Variants in VWDE observed in about 807,000 individuals in gnomAD.
VWDE encodes von Willebrand factor D and EGF domain-containing protein.
A neutral mutation model predicts 178.4 loss-of-function variants in VWDE; 207 were observed. The observed-to-expected ratio is 1.16, with a 90% confidence interval of 1.04 to 1.30. The LOEUF is 1.30. Ranked by LOEUF, VWDE falls within the 50% of genes most tolerant of loss-of-function variation. The pLI is 0.00. For missense variants in VWDE, 2,287 were observed against 1,901.3 expected, an observed-to-expected ratio of 1.20 and a Z score of -3.77; for synonymous variants, 738 against 651.4, an observed-to-expected ratio of 1.13 and a Z score of -2.02.
chr7:12,356,324 C>A lies in VWDE; in HGVS notation c.3532G>T (p.Val1178Leu). The A allele has an allele frequency of 6.5e-7, 1 of 1,549,964 alleles. No individual in the cohort carries two copies. ...AETRVTIEVT[V>L]KSCDCLNGGS... Reference sequence around the variant, plus strand: ...CCATTCAAGCAATCACAAGACTTCACAGTCACCTACAAAACAAAAAAAAAG... The same window carrying A: ...CCATTCAAGCAATCACAAGACTTCAAAGTCACCTACAAAACAAAAAAAAAG... Residue 1178 changes from valine to leucine, a missense_variant, in exon 18 of 29, where the codon GTG (valine) becomes TTG (leucine). By Grantham distance (32) the Val-to-Leu change is conservative (BLOSUM62 1). Coordinates refer to ENST00000275358, the MANE Select transcript of VWDE (RefSeq NM_001135924.3).
chr7:12,379,780 T>C (rs2128558231), intron 5 of VWDE, among the ~76,000 whole-genome samples: 1 of 152,226 alleles, frequency 6.6e-6, no homozygotes, highest in South Asian at 2.1e-4. Context: ...TATAGTAGGC[T>C]TTGTATTTAG....
Position 12,337,098 on chromosome 7 carries a change from A to G in VWDE, c.4463-15T>C. On this transcript the variant is annotated splice_polypyrimidine_tract_variant and intron_variant, in intron 25 of 28. Coordinates refer to ENST00000275358, the MANE Select transcript of VWDE (RefSeq NM_001135924.3). ...ATCACAGATGCCTTAAGGTAAAAGC[A>G]TGAAAAGTCAGCCCTTAAATTCAAC... The G allele has an allele frequency of 1.3e-6, 2 of 1,551,594 alleles. No homozygotes were observed. The highest frequency in any genetic ancestry group is 1.4e-5 in the African/African-American group (1 of 73,186).
At chr7:12,343,027 T>C in intron 22 of VWDE, 56 bp downstream of exon 22, 1 of 1,302,232 alleles carries the variant, frequency 7.7e-7, no homozygotes, top group East Asian at 2.6e-5. Flanking sequence ...ATTAAGGCCA[T>C]CAACTATTCA....
chr7:12,334,193 T>G (rs1284795464), intron 27 of VWDE, among the ~76,000 whole-genome samples: 1 of 152,184 alleles, frequency 6.6e-6, no homozygotes, highest in Non-Finnish European at 1.5e-5. Flanking sequence ...TAATAACTTG[T>G]AAATAACTAA....
chr7:12,373,421 C>T lies in VWDE; in HGVS notation c.1317-174G>A, dbSNP rs527306103. Among the ~76,000 whole-genome samples the T allele has an allele frequency of 7.8e-4, 118 of 152,226 alleles. 1 individual carries two copies. Among genetic ancestry groups the T allele is most frequent in the African/African-American group, 2.5e-3 (105 of 41,534 alleles). Reference sequence around the variant, plus strand: ...ACTACTCCTTTCTTCCCTTTCACCACTCCAGTCAAGCTGCTCTCCTTGAGC... The same window carrying T: ...ACTACTCCTTTCTTCCCTTTCACCATTCCAGTCAAGCTGCTCTCCTTGAGC... On this transcript the variant is annotated intron_variant, in intron 9 of 28. Transcript: ENST00000275358.
chr7:12,366,450 A>C (rs1402385047), intron 13 of VWDE, among the ~76,000 whole-genome samples: 1 of 152,122 alleles, frequency 6.6e-6, no homozygotes, highest in African/African-American at 2.4e-5. Flanking sequence ...TTCTGCCATG[A>C]CTATTACAAT....
chr7:12,346,465 A>C (rs1471322146), intron 19 of VWDE, among the ~76,000 whole-genome samples: 1 of 152,164 alleles, frequency 6.6e-6, no homozygotes, highest in African/African-American at 2.4e-5. Context: ...TGTATAAGCA[A>C]AAATTGGGAA....
At position 12,369,448 on chromosome 7, in the gene VWDE, T is replaced by A. The variant is rs1298165478; in HGVS notation, c.2761+97A>T. 5 of 1,377,218 alleles carry A rather than the reference T, an allele frequency of 3.6e-6. No individual in the cohort carries two copies. In the African/African-American group the frequency reaches 4.4e-5, roughly 12 times the overall value. The allele number at this position is 1,377,218 out of a possible 1,614,324, so 85.3% of individuals were successfully genotyped here. A position where few individuals can be genotyped will look rare whatever the true frequency, so the allele number is the denominator to read the frequency against. On this transcript the variant is annotated intron_variant, in intron 12 of 28. Coordinates refer to ENST00000275358, the MANE Select transcript of VWDE (RefSeq NM_001135924.3). Reference sequence around the variant, plus strand: ...GGAGGTTTTCTCTATAAAATCTGAATAAACACTGTTAGGATACTGAGGGTG... The same window carrying A: ...GGAGGTTTTCTCTATAAAATCTGAAAAAACACTGTTAGGATACTGAGGGTG...
intron 28 of VWDE, among the ~76,000 whole-genome samples, chr7:12,332,129 A>G (rs1780757312): frequency 6.6e-6 from 1 of 152,052 alleles, no homozygotes; most frequent in Non-Finnish European, 1.5e-5. Flanking sequence ...TTTCCCCACT[A>G]AAGAGAAATT....
chr7:12,403,463 A>G (rs562530482), intron 1 of VWDE, among the ~76,000 whole-genome samples, 196 bp downstream of exon 1: 6 of 152,374 alleles, frequency 3.9e-5, no homozygotes, highest in East Asian at 3.9e-4. Context: ...AGAAAAGTGT[A>G]GAGTTTTCAA....
chr7:12,354,244 T>G, intron 18 of VWDE: 1 of 327,204 alleles, frequency 3.1e-6, no homozygotes, highest in Non-Finnish European at 5.9e-6. Context: ...TGACACTTAA[T>G]GCATTTACAC....
intron 28 of VWDE, among the ~76,000 whole-genome samples, 198 bp downstream of exon 28, chr7:12,333,267 C>A (rs1780830501): frequency 6.6e-6 from 1 of 151,960 alleles, no homozygotes; most frequent in African/African-American, 2.4e-5. Flanking sequence ...CATTGAAATT[C>A]CTTAAATACA....
chr7:12,342,788 C>G (rs182669191), intron 22 of VWDE, among the ~76,000 whole-genome samples: 1 of 151,586 alleles, frequency 6.6e-6, no homozygotes, highest in African/African-American at 2.4e-5. Context: ...CCCATCAACT[C>G]GTCATTTAGC....
rs1372098123 is a variant in VWDE at position 12,380,499 on chromosome 7, C to T, written c.776G>A (p.Arg259Lys). The T allele has an allele frequency of 1.9e-6, 3 of 1,551,580 alleles. No homozygotes were observed. In the Admixed American group the frequency reaches 5.9e-5, roughly 30 times the overall value. ...TTTTTAACATACCCTGTCTCCAAGT[C>T]TGAGATTTATGCCATCAAGTTCTAA... Reference protein sequence around the residue: ...SLLELDGINLRLGDRIFCSAS... With the variant: ...SLLELDGINLKLGDRIFCSAS... Residue 259 changes from arginine (R) to lysine (K), a missense_variant, in exon 5 of 29, where the codon AGA (arginine) becomes AAA (lysine). Physicochemically the swap from Arg to Lys is conservative, Grantham distance 26. Coordinates refer to ENST00000275358, the MANE Select transcript of VWDE (RefSeq NM_001135924.3).
intron 12 of VWDE, 96 bp from the exon 13 acceptor site, chr7:12,367,589 A>G (rs568600551): frequency 9.1e-7 from 1 of 1,093,526 alleles, no homozygotes; most frequent in Non-Finnish European, 1.3e-6. Flanking sequence ...GCATATGGAA[A>G]ATAATATTTT....
chr7:12,340,435 G>A lies in VWDE; in HGVS notation c.4271-18C>T, dbSNP rs1781266701. The stretch of plus-strand genomic sequence containing the variant: ...GCACAAAGCTAATAAACAGCAGGAG[G>A]AAAAGAGAACATAAAAGTTTTATTA... On this transcript the variant is annotated intron_variant, in intron 23 of 28. Coordinates refer to ENST00000275358, the MANE Select transcript of VWDE (RefSeq NM_001135924.3). The A allele has an allele frequency of 3.3e-6, 5 of 1,524,214 alleles. No homozygotes were observed. The highest frequency in any genetic ancestry group is 4.4e-6 in the Non-Finnish European group (5 of 1,128,400). The allele number at this position is 1,524,214 out of a possible 1,614,324, so 94.4% of individuals were successfully genotyped here.
At chr7:12,377,747 A>T in intron 7 of VWDE, 29 bp downstream of exon 7, 1 of 1,330,084 alleles carries the variant, frequency 7.5e-7, no homozygotes, top group Non-Finnish European at 1.0e-6. Flanking sequence ...GCAATCTAAT[A>T]ATAAGATAAA....
At chr7:12,338,420 C>T (rs182531870) in intron 24 of VWDE, among the ~76,000 whole-genome samples, 1,754 of 151,822 alleles carry the variant, frequency 0.012, 21 homozygotes, top group Non-Finnish European at 0.02. Flanking sequence ...ATTCTTTCTA[C>T]TACAAAAACT....
intron 10 of VWDE, among the ~76,000 whole-genome samples, chr7:12,371,493 G>A (rs183387356): frequency 1.7e-3 from 265 of 152,160 alleles, no homozygotes; most frequent in Non-Finnish European, 2.5e-3. Flanking sequence ...CTGTGTATGT[G>A]GAGAAGCTAT....
Sources: allele counts gnomAD v4.1 joint callset (sites outside exome capture counted in the v4.1 genomes callset), GRCh38; gene constraint gnomAD v4.1.1; transcripts MANE v1.5; gene names NCBI Gene and HGNC (gene_info 2026-07-23, HGNC 2026-07-21).